Variants in TSHZ2 observed in about 807,000 individuals in gnomAD.
The protein encoded by TSHZ2 is teashirt zinc finger homeobox 2, also known as teashirt homolog 2.
Under a neutral mutation model 74.4 loss-of-function variants are expected in TSHZ2, and 21 were observed. That is an observed-to-expected ratio of 0.28 (90% CI 0.20 to 0.41). TSHZ2 has a LOEUF of 0.41. Ranked by LOEUF, TSHZ2 falls within the 10% of genes least tolerant of loss-of-function variation. The pLI, the probability that TSHZ2 is intolerant of heterozygous loss-of-function variation, is 1.00. For synonymous variants in TSHZ2, 540 were observed against 515.3 expected (o/e 1.05, Z -0.65); for missense variants, 1,244 against 1,293.5 (o/e 0.96, Z 0.59).
intron 2 of TSHZ2, among the ~76,000 whole-genome samples, chr20:53,457,341 A>G (rs1220982622): frequency 1.7e-5 from 2 of 120,542 alleles, no homozygotes; most frequent in African/African-American, 3.8e-5. Flanking sequence ...GAGTTCACTC[A>G]TGATTTGGCT....
chr20:53,470,582 G>A (rs879895271), intron 2 of TSHZ2, among the ~76,000 whole-genome samples: 17 of 152,100 alleles, frequency 1.1e-4, no homozygotes, highest in Non-Finnish European at 1.9e-4. Flanking sequence ...TTGGGAGGCC[G>A]GGGTGGGCAG....
Position 53,292,451 on chromosome 20 carries a change from T to A in TSHZ2, c.*8+35880T>A, listed in dbSNP as rs1197498214. Among the ~76,000 whole-genome samples, 270 of 79,808 alleles carry A rather than the reference T, an allele frequency of 3.4e-3. 3 individuals are homozygous for A. Among genetic ancestry groups the A allele is most frequent in the African/African-American group, 0.018 (214 of 12,178 alleles). 52.4% of individuals were successfully genotyped at this position (79,808 alleles called of 152,430 possible). On this transcript the variant is annotated intron_variant, in intron 2 of 2. Transcript: ENST00000371497. ...GTAAATGCACACAAACCACCTATTT[T>A]TTTTTTTTTTTTTTGAGACAGGGTC...
chr20:53,435,661 G>A (rs1355285740), intron 2 of TSHZ2, among the ~76,000 whole-genome samples: 2 of 152,044 alleles, frequency 1.3e-5, no homozygotes, highest in Non-Finnish European at 2.9e-5. Flanking sequence ...TTACAGGCGC[G>A]TGTCACCACG....
intron 1 of TSHZ2, among the ~76,000 whole-genome samples, chr20:53,160,535 G>C (rs898873474): frequency 3.3e-5 from 5 of 152,088 alleles, no homozygotes; most frequent in Non-Finnish European, 7.4e-5. Flanking sequence ...TTGGGAGGCT[G>C]AGGTAGACAG....
chr20:52,986,951 T>C (rs1203766196), intron 1 of TSHZ2, among the ~76,000 whole-genome samples: 1 of 151,930 alleles, frequency 6.6e-6, no homozygotes, highest in East Asian at 1.9e-4. Flanking sequence ...TAGGGGAAGA[T>C]GTTGCACAAG....
At chr20:53,065,261 A>G (rs1385674350) in intron 1 of TSHZ2, among the ~76,000 whole-genome samples, 3 of 152,162 alleles carry the variant, frequency 2.0e-5, no homozygotes, top group Non-Finnish European at 4.4e-5. Flanking sequence ...ATTACAAATT[A>G]TTGTTGTCGT....
Position 53,454,401 on chromosome 20 carries a change from A to C in TSHZ2, c.*9-32743A>C, listed in dbSNP as rs369948127. On this transcript the variant is annotated intron_variant, in intron 2 of 2. Coordinates refer to ENST00000371497, the MANE Select transcript of TSHZ2 (RefSeq NM_173485.6). ...ATATGGTGACACCCCATCTTTACTA[A>C]AAATACAAAAATTAGCCGGGCATGG... 1.3e-3 allele frequency among the ~76,000 whole-genome samples: 203 copies of C among 152,056 alleles called. 1 individual carries two copies. Among genetic ancestry groups the C allele is most frequent in the African/African-American group, 4.3e-3 (180 of 41,474 alleles).
intron 1 of TSHZ2, among the ~76,000 whole-genome samples, chr20:53,122,981 C>A (rs538393870): frequency 6.6e-6 from 1 of 152,104 alleles, no homozygotes; most frequent in African/African-American, 2.4e-5. Flanking sequence ...TGGGTATTTC[C>A]GCTTTCTACT....
chr20:53,061,972 TA>T (rs1250809395), intron 1 of TSHZ2, among the ~76,000 whole-genome samples: 1 of 152,150 alleles, frequency 6.6e-6, no homozygotes, highest in African/African-American at 2.4e-5. Context: ...TGTAAATAAG[TA>T]AGTCTGGGCT....
chr20:53,411,412 G>C (rs915463960), intron 2 of TSHZ2, among the ~76,000 whole-genome samples: 1 of 152,154 alleles, frequency 6.6e-6, no homozygotes, highest in African/African-American at 2.4e-5. Flanking sequence ...AGGAAACAGT[G>C]GTTAAGAGCA....
intron 1 of TSHZ2, among the ~76,000 whole-genome samples, chr20:53,030,990 G>A (rs534374727): frequency 1.3e-5 from 2 of 152,200 alleles, no homozygotes; most frequent in East Asian, 1.9e-4. Flanking sequence ...TCGCCTTATT[G>A]CTGAATGTGG....
At chr20:53,000,544 A>G (rs1335073397) in intron 1 of TSHZ2, among the ~76,000 whole-genome samples, 1 of 150,254 alleles carries the variant, frequency 6.7e-6, no homozygotes, top group African/African-American at 2.5e-5. Flanking sequence ...CAATGTAAAG[A>G]AAAAAATGAA....
At chr20:53,484,404 A>ATG (rs1568938115) in intron 2 of TSHZ2, among the ~76,000 whole-genome samples, 2 of 133,440 alleles carry the variant, frequency 1.5e-5, no homozygotes, top group Non-Finnish European at 1.6e-5. Flanking sequence ...TTTTTTTTTT[A>ATG]AGACAGAGTC....
At chr20:53,014,229 C>A (rs2256169) in intron 1 of TSHZ2, among the ~76,000 whole-genome samples, 1 of 151,380 alleles carries the variant, frequency 6.6e-6, no homozygotes, top group South Asian at 2.1e-4. Context: ...GAGAAGAGAG[C>A]GAGTGCACAT....
chr20:53,300,751 A>C (rs1991463381), intron 2 of TSHZ2, among the ~76,000 whole-genome samples: 1 of 152,130 alleles, frequency 6.6e-6, no homozygotes, highest in Non-Finnish European at 1.5e-5. Flanking sequence ...TATGTTTCTG[A>C]GAATCTAACT....
intron 1 of TSHZ2, among the ~76,000 whole-genome samples, chr20:53,179,901 C>T (rs1046311867): frequency 6.6e-6 from 1 of 152,200 alleles, no homozygotes; most frequent in Non-Finnish European, 1.5e-5. Flanking sequence ...CTTATTTACT[C>T]TGTTGTTCTC....
intron 2 of TSHZ2, among the ~76,000 whole-genome samples, chr20:53,287,101 G>C (rs1478734829): frequency 1.3e-5 from 2 of 152,170 alleles, no homozygotes; most frequent in African/African-American, 2.4e-5. Context: ...GGGGCACCCA[G>C]TCTTGTCCTT....
intron 1 of TSHZ2, among the ~76,000 whole-genome samples, chr20:52,978,439 T>G (rs1397327122): frequency 6.6e-6 from 1 of 152,152 alleles, no homozygotes; most frequent in African/African-American, 2.4e-5. Flanking sequence ...CAATTTTATT[T>G]GGGAATGTCA....
At chr20:53,280,632 A>G (rs1023330176) in intron 2 of TSHZ2, among the ~76,000 whole-genome samples, 1 of 149,304 alleles carries the variant, frequency 6.7e-6, no homozygotes, top group Non-Finnish European at 1.5e-5. Context: ...TTTAGTCAAC[A>G]AGTCGTTTTT....
Sources: gnomAD v4.1 joint callset for allele counts (sites outside exome capture counted in the v4.1 genomes callset) on GRCh38, gnomAD v4.1.1 for gene constraint, MANE v1.5 for transcripts, NCBI Gene and HGNC (gene_info 2026-07-23, HGNC 2026-07-21) for gene names.